Variants in STK31 observed in about 807,000 individuals in gnomAD.
The protein encoded by STK31 is serine/threonine-protein kinase 31.
Under a neutral mutation model 129.7 loss-of-function variants are expected in STK31, and 89 were observed. The observed-to-expected ratio is 0.69, with a 90% CI of 0.58 to 0.82. STK31 has a LOEUF of 0.82. STK31 is among the 40% of genes least tolerant of loss of function. The probability of loss-of-function intolerance (pLI) is 0.00; values close to 1 mark genes in which losing one functional copy is unlikely to be tolerated. For synonymous variants in STK31, 448 were observed against 395.3 expected (o/e 1.13, Z -1.58); for missense variants, 1,187 against 1,176.4 (o/e 1.01, Z -0.13).
intron 5 of STK31, 181 bp downstream of exon 5, chr7:23,727,496 C>A: frequency 4.6e-5 from 20 of 437,296 alleles, no homozygotes; most frequent in Admixed American, 1.1e-4. Flanking sequence ...TCAGATTATT[C>A]AAGAATAGAT....
chr7:23,791,912 G>A (rs1230524092), intron 22 of STK31, among the ~76,000 whole-genome samples: 4 of 152,218 alleles, frequency 2.6e-5, no homozygotes, highest in Admixed American at 6.5e-5. Context: ...GCCATAGACA[G>A]TATGTAAACA....
intron 22 of STK31, among the ~76,000 whole-genome samples, chr7:23,801,161 T>G (rs943688989): frequency 6.6e-6 from 1 of 152,228 alleles, no homozygotes; most frequent in African/African-American, 2.4e-5. Context: ...TGTACTGTTT[T>G]TGATTTTCAC....
intron 3 of STK31, among the ~76,000 whole-genome samples, chr7:23,713,626 A>C (rs931073183): frequency 6.6e-6 from 1 of 151,424 alleles, no homozygotes; most frequent in Admixed American, 6.6e-5. Flanking sequence ...TAAACTTTTA[A>C]TTTTTTTTTA....
At chr7:23,715,689 CTT>C (rs1786273984) in intron 3 of STK31, among the ~76,000 whole-genome samples, 1 of 152,072 alleles carries the variant, frequency 6.6e-6, no homozygotes, top group African/African-American at 2.4e-5. Context: ...GGCTGCTTCT[CTT>C]GTTTCTCAGG....
chr7:23,730,439 C>A (rs1243665724), intron 6 of STK31, among the ~76,000 whole-genome samples: 1 of 152,022 alleles, frequency 6.6e-6, no homozygotes, highest in Non-Finnish European at 1.5e-5. Context: ...AAATTACACC[C>A]CAAGTTTCTG....
chr7:23,745,956 G>C (rs572316319), intron 8 of STK31, among the ~76,000 whole-genome samples: 6 of 152,218 alleles, frequency 3.9e-5, no homozygotes, highest in Non-Finnish European at 5.9e-5. Context: ...ATGTATGGCT[G>C]TTCCTCTGCC....
intron 11 of STK31, among the ~76,000 whole-genome samples, chr7:23,766,034 A>G (rs1447053120): frequency 6.6e-6 from 1 of 152,248 alleles, no homozygotes; most frequent in East Asian, 1.9e-4. Flanking sequence ...TTCTTATTTC[A>G]TAAGTCGTTT....
At chr7:23,755,973 A>G (rs1789053610) in intron 10 of STK31, among the ~76,000 whole-genome samples, 1 of 152,222 alleles carries the variant, frequency 6.6e-6, no homozygotes, top group Non-Finnish European at 1.5e-5. Flanking sequence ...TATCTTGGCT[A>G]TATGGGGTCT....
intron 11 of STK31, among the ~76,000 whole-genome samples, chr7:23,767,317 GTT>G (rs1241294924): frequency 1.3e-5 from 2 of 152,062 alleles, no homozygotes; most frequent in African/African-American, 4.8e-5. Flanking sequence ...AGCTACCTTA[GTT>G]CTTTGCTGTT....
rs754312668 is a variant in STK31 at position 23,790,975 on chromosome 7, A to G, written c.2760+29A>G. 10 of 1,291,532 alleles carry G rather than the reference A, an allele frequency of 7.7e-6. No individual in the cohort carries two copies. The South Asian group carries it at 1.4e-4, about 19-fold the overall frequency. The allele number at this position is 1,291,532 out of a possible 1,614,324, so 80.0% of individuals were successfully genotyped here. On this transcript the variant is annotated intron_variant, in intron 22 of 23. Transcript: ENST00000355870. Reference sequence around the variant, plus strand: ...TGTTATTTTTTTGTTGAAATAGATCATATATATATATATTTCAGTATATAA... The same window carrying G: ...TGTTATTTTTTTGTTGAAATAGATCGTATATATATATATTTCAGTATATAA...
chr7:23,769,004 G>T lies in STK31; in HGVS notation c.1426G>T (p.Val476Phe), dbSNP rs2128102639. The change falls in exon 12 of 24, where the codon GTC becomes TTC. Residue 476 changes from valine to phenylalanine, a missense_variant. Physicochemically the swap from Val to Phe is conservative, Grantham distance 50. Coordinates refer to ENST00000355870, the MANE Select transcript of STK31 (RefSeq NM_031414.5). Reference protein sequence around the residue: ...KRLKTLQDLSVSLEAVYGQAK... With the variant: ...KRLKTLQDLSFSLEAVYGQAK... ...GTATATCTCTCTGCAGGATTTGTCA[G>T]TCTCTTTAGAAGCAGTGTATGGACA... 6.3e-7 allele frequency: 1 copy of T among 1,592,586 alleles called. No individual in the cohort carries two copies. Among genetic ancestry groups the T allele is most frequent in the Admixed American group, 1.8e-5 (1 of 54,976 alleles).
chr7:23,805,486 T>A (rs1377520168), intron 22 of STK31, among the ~76,000 whole-genome samples: 1 of 152,196 alleles, frequency 6.6e-6, no homozygotes, highest in African/African-American at 2.4e-5. Flanking sequence ...TTTTATTTTT[T>A]ATTTTTTTAT....
chr7:23,791,100 C>T (rs143737140), intron 22 of STK31, among the ~76,000 whole-genome samples, 154 bp downstream of exon 22: 2 of 152,062 alleles, frequency 1.3e-5, no homozygotes, highest in Non-Finnish European at 2.9e-5. Context: ...TTCCTATTAC[C>T]TATTGTGTAC....
chr7:23,728,421 T>G (rs1365691174), intron 5 of STK31, among the ~76,000 whole-genome samples: 1 of 152,208 alleles, frequency 6.6e-6, no homozygotes, highest in Non-Finnish European at 1.5e-5. Context: ...TTTCATTTTT[T>G]GCTGTCATAG....
At chr7:23,827,395 C>G (rs948074427) in intron 23 of STK31, among the ~76,000 whole-genome samples, 76 of 152,240 alleles carry the variant, frequency 5.0e-4, no homozygotes, top group African/African-American at 1.8e-3. Flanking sequence ...GCGTCGGTTA[C>G]TGAGTCTTGT....
chr7:23,748,931 A>T (rs12669134), intron 8 of STK31, among the ~76,000 whole-genome samples: 1 of 152,116 alleles, frequency 6.6e-6, no homozygotes, highest in African/African-American at 2.4e-5. Context: ...AGTCAGCTGT[A>T]GTCTGTAGAT....
chr7:23,737,015 C>G lies in STK31; in HGVS notation c.954C>G (p.Asp318Glu). ...ATGAAAAACTTAAAACAGAGAAGGA[C>G]GCTCTTCTTGAAAGTTATAAGGCGT... ...EENEKLKTEK[D>E]ALLESYKALE... Residue 318 changes from aspartate to glutamate, a missense_variant, in exon 8 of 24, where the codon GAC (aspartate) becomes GAG (glutamate). Transcript: ENST00000355870. The G allele has an allele frequency of 1.1e-5, 17 of 1,612,794 alleles. No homozygotes were observed. The highest frequency in any genetic ancestry group is 1.3e-5 in the African/African-American group (1 of 74,994).
intron 8 of STK31, among the ~76,000 whole-genome samples, chr7:23,743,031 C>T (rs1480438293): frequency 6.6e-6 from 1 of 150,638 alleles, no homozygotes; most frequent in South Asian, 2.1e-4. Flanking sequence ...TGGCTCTCTG[C>T]AACCTCCACC....
intron 9 of STK31, 75 bp downstream of exon 9, chr7:23,752,907 T>G: frequency 1.0e-6 from 1 of 971,586 alleles, no homozygotes; most frequent in East Asian, 2.5e-5. Context: ...TTAAATTGTG[T>G]GCTTGCCATT....
Sources: allele counts gnomAD v4.1 joint callset (sites outside exome capture counted in the v4.1 genomes callset), GRCh38; gene constraint gnomAD v4.1.1; transcripts MANE v1.5; gene names NCBI Gene and HGNC (gene_info 2026-07-23, HGNC 2026-07-21).